Variants in ZZEF1 observed in about 807,000 individuals in gnomAD.
ZZEF1 encodes the protein zinc finger ZZ-type and EF-hand domain containing 1.
ZZEF1 carries 157 observed loss-of-function variants against 342.8 expected under a neutral mutation model. The ratio of observed to expected loss-of-function variants is 0.46; its 90% CI spans 0.40 to 0.52. The LOEUF (loss-of-function observed/expected upper bound fraction) is 0.52. Among genes scored for constraint, ZZEF1 ranks in the 20% least tolerant of loss-of-function variants. The pLI is 0.00. For synonymous variants in ZZEF1, 1,505 were observed against 1,429.1 expected, an observed-to-expected ratio of 1.05 and a Z score of -1.20; for missense variants, 3,480 against 3,725.6, an observed-to-expected ratio of 0.93 and a Z score of 1.72.
At chr17:4,134,324 G>GA (rs1173117352) in intron 1 of ZZEF1, among the ~76,000 whole-genome samples, 3 of 142,740 alleles carry the variant, frequency 2.1e-5, no homozygotes, top group Admixed American at 1.4e-4. Context: ...GTCTCAAAAA[G>GA]AAAAAATATA....
rs1382819920 is a variant in ZZEF1 at position 4,117,042 on chromosome 17, G to T, written c.624C>A (p.Cys208Ter). The change falls in exon 3 of 55, where the codon TGC (cysteine) becomes TGA (stop). Residue 208 changes from cysteine (C) to a stop codon, truncating the protein, a stop_gained. Coordinates refer to ENST00000381638, the MANE Select transcript of ZZEF1 (RefSeq NM_015113.4). LOFTEE classifies it high-confidence loss of function. ...AAGACCGCATGGTGCACATGTTATT[G>T]CAGTGCTCCAGCATCGGGTAGGGCA... Reference protein sequence around the residue: ...AVMPYPMLEHCNNMCTMRSSV... With the variant: ...AVMPYPMLEH 6.2e-7 allele frequency: 1 copy of T among 1,614,062 alleles called. No individual in the cohort carries two copies.
chr17:4,061,068 T>C (rs1255759437), intron 30 of ZZEF1, among the ~76,000 whole-genome samples: 3 of 152,242 alleles, frequency 2.0e-5, no homozygotes, highest in East Asian at 1.9e-4. Flanking sequence ...TTAAACTAAA[T>C]GTCTGTAGTC....
intron 18 of ZZEF1, 64 bp from the exon 19 acceptor site, chr17:4,078,106 G>A: frequency 6.5e-7 from 1 of 1,529,596 alleles, no homozygotes. Flanking sequence ...ATAGCCAAGG[G>A]CATCCTCTAA....
In ZZEF1 at chr17:4,064,440, C is replaced by T. The variant is rs1336913345; in HGVS notation, c.4639G>A (p.Val1547Met). The part of the protein sequence containing the change: ...SFRSMEEARL[V>M]PTVKEKYPVL... ...GGGTATTTCTCTTTCACTGTGGGCACCAGTCTGGCCTCCTCCATGGATCGA... is the reference window on the plus strand; with the variant it reads ...GGGTATTTCTCTTTCACTGTGGGCATCAGTCTGGCCTCCTCCATGGATCGA... Residue 1547 changes from valine to methionine, a missense_variant, in exon 29 of 55, where the codon GTG (valine) becomes ATG (methionine). Around this residue, in one of 5 missense-constraint regions of ZZEF1, gnomAD observed 1,528 missense variants for 1,624.1 expected, o/e 0.94. Coordinates refer to ENST00000381638, the MANE Select transcript of ZZEF1 (RefSeq NM_015113.4). The T allele has an allele frequency of 1.2e-6, 2 of 1,613,942 alleles. No homozygotes were observed. Among genetic ancestry groups the T allele is most frequent in the South Asian group, 2.2e-5 (2 of 91,082 alleles).
intron 26 of ZZEF1, among the ~76,000 whole-genome samples, chr17:4,068,305 GT>G (rs1295003925): frequency 6.6e-6 from 1 of 152,040 alleles, no homozygotes; most frequent in Non-Finnish European, 1.5e-5. Context: ...TTGAGACAGA[GT>G]TTTGCTCATT....
chr17:4,053,025 G>A (rs113789923), intron 34 of ZZEF1, among the ~76,000 whole-genome samples: 28 of 152,234 alleles, frequency 1.8e-4, no homozygotes, highest in Non-Finnish European at 2.5e-4. Context: ...AATGCTCCTC[G>A]CGCCTGGCCC....
In ZZEF1 at chr17:4,104,701, G is replaced by A. The variant is rs780829945; in HGVS notation, c.1505C>T (p.Thr502Met). 55 of 1,614,022 alleles carry A rather than the reference G, an allele frequency of 3.4e-5. No homozygotes were observed. The highest frequency in any genetic ancestry group is 1.6e-4 in the Middle Eastern group (1 of 6,082). The change falls in exon 8 of 55, where the codon ACG (threonine) becomes ATG (methionine). Residue 502 changes from threonine to methionine, a missense_variant. Transcript: ENST00000381638. ...GATGAGGGATGAGGCATCATACTGC[G>A]TGTCCAGATGGTCAGTGATGGTGCA... The part of the protein sequence containing the change: ...SLCTITDHLD[T>M]QYDASSLILS...
intron 34 of ZZEF1, among the ~76,000 whole-genome samples, chr17:4,053,749 A>G (rs1222759485): frequency 6.6e-6 from 1 of 152,226 alleles, no homozygotes; most frequent in Admixed American, 6.5e-5. Context: ...TGCTACATGT[A>G]AACACTGCAT....
At chr17:4,090,495 G>C (rs935114334) in intron 12 of ZZEF1, among the ~76,000 whole-genome samples, 3 of 152,160 alleles carry the variant, frequency 2.0e-5, no homozygotes, top group African/African-American at 7.2e-5. Context: ...AGAAGCTTTC[G>C]AGTTACATAT....
chr17:4,043,322 C>T (rs993950475), intron 38 of ZZEF1, among the ~76,000 whole-genome samples: 3 of 152,184 alleles, frequency 2.0e-5, no homozygotes, highest in Admixed American at 2.0e-4. Context: ...GATGCTGATC[C>T]TCAGGGGAAT....
At chr17:4,078,684 TA>T (rs745956551) in intron 18 of ZZEF1, among the ~76,000 whole-genome samples, 3 of 152,224 alleles carry the variant, frequency 2.0e-5, no homozygotes, top group Non-Finnish European at 4.4e-5. Flanking sequence ...TGGGAATGTC[TA>T]GTCCTTAAAA....
intron 21 of ZZEF1, 83 bp from the exon 22 acceptor site, chr17:4,075,512 T>C: frequency 6.7e-7 from 1 of 1,502,304 alleles, no homozygotes; most frequent in African/African-American, 1.4e-5. Context: ...TCTCTATCAG[T>C]GCTCCAGGCA....
chr17:4,131,702 C>T (rs1290759922), intron 1 of ZZEF1, among the ~76,000 whole-genome samples: 8 of 151,936 alleles, frequency 5.3e-5, no homozygotes, highest in Non-Finnish European at 8.8e-5. Flanking sequence ...ATCACTTGAG[C>T]CTAGGGGGTC....
chr17:4,083,494 T>G (rs1293632299), intron 16 of ZZEF1, among the ~76,000 whole-genome samples: 1 of 152,166 alleles, frequency 6.6e-6, no homozygotes, highest in Non-Finnish European at 1.5e-5. Flanking sequence ...TCCTTCCTCT[T>G]CTCTGAAACC....
rs755224472 is a variant in ZZEF1, at chr17:4,032,239, C to T, written c.6779G>A (p.Arg2260His). The T allele has an allele frequency of 6.8e-6, 11 of 1,612,760 alleles. No individual in the cohort carries two copies. The highest frequency in any genetic ancestry group is 2.2e-5 in the South Asian group (2 of 90,800). Reference sequence around the variant, plus strand: ...ATTGGCATTATCCATATAAACGCAGCGGGTTCCCACACAGAGGACCTAGAA... The same window carrying T: ...ATTGGCATTATCCATATAAACGCAGTGGGTTCCCACACAGAGGACCTAGAA... ...GFPQVLCVGT[R>H]CVYMDNANEP... Residue 2260 changes from arginine to histidine, a missense_variant, in exon 42 of 55, where the codon CGC becomes CAC. Physicochemically the swap from Arg to His is conservative, Grantham distance 29. Transcript: ENST00000381638.
rs114493529 is a variant in ZZEF1 at position 4,031,532 on chromosome 17, C to T, written c.6892+594G>A. Reference sequence around the variant, plus strand: ...CCTGGATCAAATGGATGTTCATACGCAAAAGAAAAGATCTTAGACATTTAC... The same window carrying T: ...CCTGGATCAAATGGATGTTCATACGTAAAAGAAAAGATCTTAGACATTTAC... On this transcript the variant is annotated intron_variant, in intron 42 of 54. Transcript: ENST00000381638. 3.4e-3 allele frequency among the ~76,000 whole-genome samples: 518 copies of T among 152,090 alleles called. 5 individuals carry two copies. Among genetic ancestry groups the T allele is most frequent in the African/African-American group, 0.011 (456 of 41,492 alleles).
At chr17:4,023,006 C>G (rs2056309092) in intron 43 of ZZEF1, among the ~76,000 whole-genome samples, 178 bp from the exon 44 acceptor site, 1 of 152,138 alleles carries the variant, frequency 6.6e-6, no homozygotes, top group Non-Finnish European at 1.5e-5. Flanking sequence ...CTGTCTGGGG[C>G]TCTTTAGGCT....
chr17:4,052,153 C>A lies in ZZEF1; in HGVS notation c.5435-17G>T. ...TCACCCCACCTGAGGAGAAACACAG[C>A]AGTGTGAGGGGATGAGGTAGAGGGC... On this transcript the variant is annotated splice_polypyrimidine_tract_variant and intron_variant, in intron 34 of 54. Coordinates refer to ENST00000381638, the MANE Select transcript of ZZEF1 (RefSeq NM_015113.4). The A allele has an allele frequency of 6.2e-7, 1 of 1,601,152 alleles. No individual in the cohort carries two copies. Among genetic ancestry groups the A allele is most frequent in the Non-Finnish European group, 8.5e-7 (1 of 1,173,754 alleles).
intron 16 of ZZEF1, 62 bp downstream of exon 16, chr17:4,085,608 G>A: frequency 1.2e-6 from 2 of 1,601,222 alleles, no homozygotes; most frequent in Non-Finnish European, 1.7e-6. Context: ...AGGTAACAAA[G>A]CCTAGCAAAT....
Sources: allele counts gnomAD v4.1 joint callset (sites outside exome capture counted in the v4.1 genomes callset), GRCh38; gene constraint gnomAD v4.1.1; regional missense constraint gnomAD v4.1.1; transcripts MANE v1.5; gene names NCBI Gene and HGNC (gene_info 2026-07-23, HGNC 2026-07-21).